The following ADORA2B variants were observed in gnomAD, a reference collection of about 807,000 sequenced individuals.
The protein encoded by ADORA2B is adenosine receptor A2b.
In ADORA2B, 18 loss-of-function variants were observed where a neutral mutation model predicts 20.8. The observed-to-expected ratio is 0.87, with a 90% CI of 0.60 to 1.29. The LOEUF (loss-of-function observed/expected upper bound fraction) is 1.29. Among genes scored for constraint, ADORA2B ranks in the 50% most tolerant of loss-of-function variants. ADORA2B has a pLI of 0.00. For synonymous variants in ADORA2B, 179 were observed against 178.3 expected (o/e 1.00, Z -0.03); for missense variants, 441 against 422.7 (o/e 1.04, Z -0.38).
chr17:15,948,885 G>T (rs1187956926), intron 1 of ADORA2B, among the ~76,000 whole-genome samples: 2 of 152,082 alleles, frequency 1.3e-5, no homozygotes, highest in Non-Finnish European at 2.9e-5. Context: ...TTGGCGGGGG[G>T]TTCTGAATGT....
the ADORA2B span, among the ~76,000 whole-genome samples, chr17:15,926,151 T>A: frequency 6.6e-6 from 1 of 152,148 alleles, no homozygotes; most frequent in African/African-American, 2.4e-5. Context: ...AGCCTCGCAT[T>A]TCTGAGCAGC....
the ADORA2B span, among the ~76,000 whole-genome samples, chr17:15,864,567 A>G: frequency 1.3e-5 from 2 of 152,150 alleles, no homozygotes; most frequent in Admixed American, 6.5e-5. Flanking sequence ...GATTTCTTTT[A>G]TTAGGCAATG....
chr17:15,964,943 C>G (rs1308282995), intron 1 of ADORA2B, among the ~76,000 whole-genome samples: 1 of 151,974 alleles, frequency 6.6e-6, no homozygotes, highest in Non-Finnish European at 1.5e-5. Flanking sequence ...GCCTGTAGTC[C>G]CAGCTACTCA....
At chr17:15,968,278 C>T (rs1970145542) in intron 1 of ADORA2B, among the ~76,000 whole-genome samples, 1 of 152,076 alleles carries the variant, frequency 6.6e-6, no homozygotes, top group Non-Finnish European at 1.5e-5. Context: ...ATGCAGTATT[C>T]CTGGGATGTG....
intron 1 of ADORA2B, among the ~76,000 whole-genome samples, chr17:15,951,428 C>G (rs1969900603): frequency 6.6e-6 from 1 of 152,214 alleles, no homozygotes; most frequent in South Asian, 2.1e-4. Flanking sequence ...GGGCATCACC[C>G]AAGCCTGAGT....
intron 1 of ADORA2B, among the ~76,000 whole-genome samples, chr17:15,964,847 G>T (rs1222610214): frequency 2.0e-5 from 3 of 151,930 alleles, no homozygotes; most frequent in Admixed American, 6.6e-5. Context: ...GAATCACGAG[G>T]TCAGGAGATC....
At chr17:15,938,647 G>T in the ADORA2B span, among the ~76,000 whole-genome samples, 1 of 152,154 alleles carries the variant, frequency 6.6e-6, no homozygotes, top group Non-Finnish European at 1.5e-5. Flanking sequence ...AGCAATATTG[G>T]CGTTTTGGTG....
the ADORA2B span, among the ~76,000 whole-genome samples, chr17:15,891,687 C>CTT: frequency 4.1e-5 from 6 of 147,260 alleles, no homozygotes; most frequent in East Asian, 7.9e-4. Flanking sequence ...CACTTTCTCT[C>CTT]TTTTTTTTTT....
At chr17:15,948,795 T>C (rs933828488) in intron 1 of ADORA2B, among the ~76,000 whole-genome samples, 3 of 152,172 alleles carry the variant, frequency 2.0e-5, no homozygotes, top group African/African-American at 7.2e-5. Context: ...ACATTGAGGC[T>C]TTTCTCTGTG....
At chr17:15,942,250 T>C (rs1011982504), upstream of ADORA2B, among the ~76,000 whole-genome samples, 3 of 152,066 alleles carry the variant, frequency 2.0e-5, no homozygotes, top group African/African-American at 7.2e-5. Flanking sequence ...TTTAGTGCTG[T>C]CCTCATGATA....
the ADORA2B span, among the ~76,000 whole-genome samples, chr17:15,921,913 C>G: frequency 6.6e-6 from 1 of 152,138 alleles, no homozygotes; most frequent in Non-Finnish European, 1.5e-5. Flanking sequence ...CTAGAAGACT[C>G]ATGTGACACT....
chr17:15,918,054 C>T, the ADORA2B span, among the ~76,000 whole-genome samples: 1 of 152,238 alleles, frequency 6.6e-6, no homozygotes, highest in Non-Finnish European at 1.5e-5. Flanking sequence ...ATTGCTATCT[C>T]GTGGTCCTGG....
At chr17:15,932,861 G>T in the ADORA2B span, among the ~76,000 whole-genome samples, 3 of 150,634 alleles carry the variant, frequency 2.0e-5, no homozygotes, top group South Asian at 6.3e-4. Flanking sequence ...TTTGTAATAA[G>T]TTTTGAAATC....
the ADORA2B span, among the ~76,000 whole-genome samples, chr17:15,879,504 A>G: frequency 0.081 from 12,264 of 150,554 alleles, 1,406 homozygotes; most frequent in African/African-American, 0.25. Flanking sequence ...CTCTAGTAGT[A>G]TTGGTGACAG....
At chr17:15,950,915 A>G (rs1366256700) in intron 1 of ADORA2B, among the ~76,000 whole-genome samples, 1 of 152,196 alleles carries the variant, frequency 6.6e-6, no homozygotes, top group Non-Finnish European at 1.5e-5. Context: ...ATCCCATTAA[A>G]CCATGTCCTT....
At chr17:15,963,424 A>C (rs1268700203) in intron 1 of ADORA2B, among the ~76,000 whole-genome samples, 1 of 152,156 alleles carries the variant, frequency 6.6e-6, no homozygotes, top group Non-Finnish European at 1.5e-5. Context: ...GCTTGTGTTT[A>C]TGGCGGCTGA....
the ADORA2B span, among the ~76,000 whole-genome samples, chr17:15,851,385 C>T: frequency 1.3e-5 from 2 of 150,030 alleles, no homozygotes; most frequent in African/African-American, 4.9e-5. Flanking sequence ...GGTACATGCC[C>T]AGGTCCACCA....
At chr17:15,867,914 T>C in the ADORA2B span, among the ~76,000 whole-genome samples, 2 of 151,384 alleles carry the variant, frequency 1.3e-5, no homozygotes, top group South Asian at 2.1e-4. Context: ...ACAATGGCGG[T>C]TTTGTGGAAT....
chr17:15,892,380 G>A, the ADORA2B span, among the ~76,000 whole-genome samples: 3 of 152,064 alleles, frequency 2.0e-5, no homozygotes, highest in African/African-American at 7.2e-5. Context: ...TGTTGACCAG[G>A]CTGGTCTCAG....
Sources: gnomAD v4.1 joint callset for allele counts (sites outside exome capture counted in the v4.1 genomes callset) on GRCh38, gnomAD v4.1.1 for gene constraint, MANE v1.5 for transcripts, NCBI Gene and HGNC (gene_info 2026-07-23, HGNC 2026-07-21) for gene names.